Variants in SMOC2 observed in about 807,000 individuals in gnomAD.
SMOC2 encodes SPARC related modular calcium binding 2.
In SMOC2, 39 loss-of-function variants were observed where a neutral mutation model predicts 61.4. The ratio of observed to expected loss-of-function variants is 0.64; its 90% CI spans 0.49 to 0.83. The LOEUF (loss-of-function observed/expected upper bound fraction) is 0.83, where lower values mean the gene tolerates loss of function less well. Ranked by LOEUF, SMOC2 falls within the 40% of genes least tolerant of loss-of-function variation. The pLI is 0.00. For synonymous variants in SMOC2, 247 were observed against 239.9 expected (o/e 1.03, Z -0.27); for missense variants, 556 against 592.9 (o/e 0.94, Z 0.65).
intron 1 of SMOC2, among the ~76,000 whole-genome samples, chr6:168,443,541 C>T (rs1219784350): frequency 6.6e-6 from 1 of 152,184 alleles, no homozygotes. Context: ...AGCCATAACA[C>T]ATTTTGGCAC....
At chr6:168,481,951 G>GA (rs955858235) in intron 1 of SMOC2, among the ~76,000 whole-genome samples, 3 of 151,084 alleles carry the variant, frequency 2.0e-5, no homozygotes, top group Non-Finnish European at 3.0e-5. Flanking sequence ...AAAAAAATAA[G>GA]AAAAAAACCT....
At chr6:168,618,643 G>A (rs1440827400) in intron 9 of SMOC2, among the ~76,000 whole-genome samples, 1 of 152,114 alleles carries the variant, frequency 6.6e-6, no homozygotes, top group Non-Finnish European at 1.5e-5. Flanking sequence ...AAGGAGAGGT[G>A]GTAAAAGAGT....
At chr6:168,519,636 C>A (rs1304661333) in intron 2 of SMOC2, among the ~76,000 whole-genome samples, 1 of 152,128 alleles carries the variant, frequency 6.6e-6, no homozygotes, top group Non-Finnish European at 1.5e-5. Context: ...AGTGGCACCA[C>A]CAAACCCAAG....
rs574040785 is a variant in SMOC2 at position 168,565,428 on chromosome 6, G to A, written c.637+16225G>A. ...GTGTTCCCTCTGTGTTCTTCCCTCC[G>A]TGGTCTTCCCTCAGTTTGCTCCTTA... is the stretch of plus-strand genomic sequence containing the variant. On this transcript the variant is annotated intron_variant, in intron 7 of 12. Transcript: ENST00000356284. Among the ~76,000 whole-genome samples the A allele has an allele frequency of 6.6e-5, 10 of 152,200 alleles. No individual in the cohort carries two copies. In the South Asian group the frequency reaches 1.2e-3, roughly 19 times the overall value.
chr6:168,468,723 G>C (rs1562543841), intron 1 of SMOC2, among the ~76,000 whole-genome samples: 1 of 151,958 alleles, frequency 6.6e-6, no homozygotes, highest in Non-Finnish European at 1.5e-5. Flanking sequence ...TTGTAGAGAC[G>C]GGGTTTCACC....
At chr6:168,581,599 A>G (rs534491339) in intron 7 of SMOC2, among the ~76,000 whole-genome samples, 22 of 152,362 alleles carry the variant, frequency 1.4e-4, no homozygotes, top group African/African-American at 5.3e-4. Flanking sequence ...TAACAGATGA[A>G]TATCAATCAT....
At chr6:168,637,685 C>T (rs1337489686) in intron 9 of SMOC2, among the ~76,000 whole-genome samples, 2 of 152,260 alleles carry the variant, frequency 1.3e-5, no homozygotes, top group Non-Finnish European at 2.9e-5. Flanking sequence ...TCCTAAGTTA[C>T]GTATAATTTG....
chr6:168,589,322 C>A (rs941716659), intron 7 of SMOC2, among the ~76,000 whole-genome samples: 4 of 152,206 alleles, frequency 2.6e-5, no homozygotes, highest in Non-Finnish European at 5.9e-5. Flanking sequence ...ATGTCTGGGG[C>A]AGCATAGTGT....
intron 7 of SMOC2, among the ~76,000 whole-genome samples, chr6:168,567,231 AAG>A (rs1265339177): frequency 1.3e-5 from 2 of 152,234 alleles, no homozygotes; most frequent in Non-Finnish European, 2.9e-5. Flanking sequence ...CTTCTTTGGG[AAG>A]AGAGATTTTA....
intron 8 of SMOC2, among the ~76,000 whole-genome samples, chr6:168,599,915 A>C (rs1303243506): frequency 2.2e-5 from 3 of 136,826 alleles, no homozygotes; most frequent in Admixed American, 7.5e-5. Context: ...TCCCACACTC[A>C]CACACTCCCC....
At chr6:168,508,811 AC>A (rs1782937767) in intron 1 of SMOC2, among the ~76,000 whole-genome samples, 1 of 152,346 alleles carries the variant, frequency 6.6e-6, no homozygotes, top group South Asian at 2.1e-4. Context: ...CCAGAGGGCC[AC>A]GTACTACCAT....
At position 168,501,394 on chromosome 6, in the gene SMOC2, A is replaced by C. The variant is rs144702375; in HGVS notation, c.85-8521A>C. 2.8e-3 allele frequency among the ~76,000 whole-genome samples: 426 copies of C among 152,204 alleles called. 4 individuals are homozygous for C. The highest frequency in any genetic ancestry group is 9.8e-3 in the African/African-American group (408 of 41,494). On this transcript the variant is annotated intron_variant, in intron 1 of 12. Transcript: ENST00000356284. ...GAGTTGCAGAGCAAAAAGTACAATA[A>C]AGCACCATCCGTCCCTTGCTGCGGT...
intron 1 of SMOC2, among the ~76,000 whole-genome samples, chr6:168,442,074 C>T (rs1004140139): frequency 6.6e-6 from 1 of 152,236 alleles, no homozygotes; most frequent in African/African-American, 2.4e-5. Flanking sequence ...CAGAGACCCT[C>T]GTAAGTGAGC....
At chr6:168,582,044 G>A (rs567876643) in intron 7 of SMOC2, among the ~76,000 whole-genome samples, 6 of 152,298 alleles carry the variant, frequency 3.9e-5, no homozygotes, top group African/African-American at 9.6e-5. Flanking sequence ...TCATTTGCCC[G>A]TTTCCTGATT....
chr6:168,508,086 C>T (rs950271668), intron 1 of SMOC2, among the ~76,000 whole-genome samples: 3 of 152,154 alleles, frequency 2.0e-5, no homozygotes, highest in Non-Finnish European at 4.4e-5. Context: ...AGGTCTGGGG[C>T]TCCCCACGGG....
At position 168,575,124 on chromosome 6, in the gene SMOC2, G is replaced by A. The variant is rs546162838; in HGVS notation, c.638-23694G>A. The stretch of plus-strand genomic sequence containing the variant: ...GAAAGGTTTGTGCGAAGCGCTGGGC[G>A]GGCGTGGACTGGGCCTGCCTTTAGG... On this transcript the variant is annotated intron_variant, in intron 7 of 12. Coordinates refer to ENST00000356284, the MANE Select transcript of SMOC2 (RefSeq NM_001166412.2). Among the ~76,000 whole-genome samples the A allele has an allele frequency of 3.3e-5, 5 of 152,312 alleles. No individual in the cohort carries two copies. The South Asian group carries it at 8.3e-4, about 25-fold the overall frequency.
intron 11 of SMOC2, among the ~76,000 whole-genome samples, chr6:168,655,776 A>G (rs1354336961): frequency 6.6e-6 from 1 of 152,148 alleles, no homozygotes; most frequent in Non-Finnish European, 1.5e-5. Flanking sequence ...CCCACTGCAC[A>G]TGTGTGCCAG....
At chr6:168,472,043 A>C (rs1430437554) in intron 1 of SMOC2, among the ~76,000 whole-genome samples, 4 of 152,150 alleles carry the variant, frequency 2.6e-5, no homozygotes, top group Admixed American at 2.6e-4. Flanking sequence ...CAGAAGTTTT[A>C]CATTTTGATG....
At chr6:168,630,371 A>G (rs61121534) in intron 9 of SMOC2, among the ~76,000 whole-genome samples, 4,694 of 152,294 alleles carry the variant, frequency 0.031, 268 homozygotes, top group African/African-American at 0.11. Flanking sequence ...CTTTCCTGCA[A>G]TCTCTAAACA....
Sources: allele counts gnomAD v4.1 joint callset (sites outside exome capture counted in the v4.1 genomes callset), GRCh38; gene constraint gnomAD v4.1.1; transcripts MANE v1.5; gene names NCBI Gene and HGNC (gene_info 2026-07-23, HGNC 2026-07-21).